PALLD: variants seen among roughly 807,000 people sequenced by gnomAD.
PALLD encodes palladin, cytoskeletal associated protein, also known as palladin.
A neutral mutation model predicts 123.5 loss-of-function variants in PALLD; 61 were observed. That is an observed-to-expected ratio of 0.49 (90% confidence interval 0.40 to 0.61). The LOEUF is 0.61. Ranked by LOEUF, PALLD falls within the 20% of genes least tolerant of loss-of-function variation. The probability of loss-of-function intolerance (pLI) is 0.00; values close to 1 mark genes in which losing one functional copy is unlikely to be tolerated. For missense variants in PALLD, 1,273 were observed against 1,377.0 expected (o/e 0.92, Z 1.20); for synonymous variants, 465 against 496.4 (o/e 0.94, Z 0.84).
At chr4:168,746,525 G>A (rs979912462) in intron 10 of PALLD, among the ~76,000 whole-genome samples, 6 of 151,906 alleles carry the variant, frequency 3.9e-5, no homozygotes, top group Admixed American at 2.0e-4. Flanking sequence ...TGTGTCTCTG[G>A]AGCTAGCACA....
chr4:168,709,175 G>A, intron 9 of PALLD, 28 bp downstream of exon 9: 1 of 1,611,848 alleles, frequency 6.2e-7, no homozygotes, highest in Non-Finnish European at 8.5e-7. Context: ...AAAATGACTG[G>A]GTTCTGTTCC....
At chr4:168,724,216 A>G (rs2150276491) in intron 10 of PALLD, among the ~76,000 whole-genome samples, 1 of 152,276 alleles carries the variant, frequency 6.6e-6, no homozygotes, top group Middle Eastern at 3.4e-3. Context: ...TCTCTAATTC[A>G]TATTTGCTTA....
intron 14 of PALLD, among the ~76,000 whole-genome samples, chr4:168,899,552 AC>A (rs1756000241): frequency 6.6e-6 from 1 of 152,188 alleles, no homozygotes; most frequent in African/African-American, 2.4e-5. Flanking sequence ...TGAAGAAATA[AC>A]CATGAGGAGA....
chr4:168,552,279 A>C (rs915804439), intron 2 of PALLD, among the ~76,000 whole-genome samples: 1 of 152,138 alleles, frequency 6.6e-6, no homozygotes, highest in Non-Finnish European at 1.5e-5. Flanking sequence ...ACGTGGGGTG[A>C]GGGGAGGGCA....
intron 10 of PALLD, among the ~76,000 whole-genome samples, chr4:168,823,133 T>G (rs1463502162): frequency 6.6e-6 from 1 of 152,192 alleles, no homozygotes; most frequent in Non-Finnish European, 1.5e-5. Flanking sequence ...CATTGTTATA[T>G]TTATTTATGT....
intron 2 of PALLD, among the ~76,000 whole-genome samples, chr4:168,606,686 A>T (rs998037062): frequency 4.1e-5 from 6 of 144,584 alleles, no homozygotes; most frequent in Non-Finnish European, 4.6e-5. Context: ...AAAAAAAAAG[A>T]TCAAGCTTTC....
intron 10 of PALLD, among the ~76,000 whole-genome samples, chr4:168,848,453 A>G (rs1581747068): frequency 6.6e-6 from 1 of 152,242 alleles, no homozygotes; most frequent in East Asian, 1.9e-4. Flanking sequence ...TCTTAGACAC[A>G]GATCTACTTG....
intron 2 of PALLD, among the ~76,000 whole-genome samples, chr4:168,581,399 C>A (rs761927674): frequency 6.6e-6 from 1 of 151,978 alleles, no homozygotes; most frequent in Non-Finnish European, 1.5e-5. Context: ...TTTCTTCACG[C>A]CCTTGCCAAC....
chr4:168,624,447 T>C (rs1775050340), intron 2 of PALLD, among the ~76,000 whole-genome samples: 1 of 152,134 alleles, frequency 6.6e-6, no homozygotes, highest in Admixed American at 6.5e-5. Flanking sequence ...CTTAGCATAA[T>C]AAAATAGATC....
At chr4:168,714,226 C>G (rs532076378) in intron 10 of PALLD, among the ~76,000 whole-genome samples, 2 of 152,162 alleles carry the variant, frequency 1.3e-5, no homozygotes, top group East Asian at 3.9e-4. Context: ...CTTCTTCCAA[C>G]CCAGCCCTCT....
At chr4:168,888,290 G>A (rs1753652002) in intron 10 of PALLD, among the ~76,000 whole-genome samples, 1 of 152,204 alleles carries the variant, frequency 6.6e-6, no homozygotes, top group South Asian at 2.1e-4. Flanking sequence ...ACCTAGAATA[G>A]CAGGTTTTAA....
At chr4:168,630,893 G>A (rs915184729) in intron 2 of PALLD, among the ~76,000 whole-genome samples, 2 of 152,164 alleles carry the variant, frequency 1.3e-5, no homozygotes, top group Non-Finnish European at 2.9e-5. Flanking sequence ...TTCTCCTGTT[G>A]TTTCTTCCTG....
chr4:168,868,780 T>C (rs1360285779), intron 10 of PALLD, among the ~76,000 whole-genome samples: 1 of 152,208 alleles, frequency 6.6e-6, no homozygotes, highest in Non-Finnish European at 1.5e-5. Flanking sequence ...GGACCAACTT[T>C]GTTATCTCAG....
At chr4:168,877,841 C>A in intron 10 of PALLD, 1 of 1,339,026 alleles carries the variant, frequency 7.5e-7, no homozygotes, top group Non-Finnish European at 9.5e-7. Context: ...CCCGCCGCCG[C>A]CCGCCTTCCC....
Position 168,805,833 on chromosome 4 carries a change from T to C in PALLD, c.1965-85089T>C, listed in dbSNP as rs370824306. ...TTAAAGGCAGGGATTTTATCTCATT[T>C]ATTAGATTTGTATCCCATGTACCTG... is the stretch of plus-strand genomic sequence containing the variant. On this transcript the variant is annotated intron_variant, in intron 10 of 21. Coordinates refer to ENST00000505667, the MANE Select transcript of PALLD (RefSeq NM_001166108.2). Among the ~76,000 whole-genome samples the C allele has an allele frequency of 2.6e-5, 4 of 152,342 alleles. No homozygotes were observed. The South Asian group carries it at 8.3e-4, about 32-fold the overall frequency.
intron 10 of PALLD, among the ~76,000 whole-genome samples, chr4:168,805,734 C>G (rs1368870173): frequency 2.6e-5 from 4 of 152,134 alleles, no homozygotes; most frequent in Non-Finnish European, 5.9e-5. Flanking sequence ...GTTTTACCTC[C>G]TGGTAAGTTA....
intron 2 of PALLD, among the ~76,000 whole-genome samples, chr4:168,529,546 G>T (rs1764410167): frequency 1.3e-5 from 2 of 152,202 alleles, no homozygotes; most frequent in South Asian, 4.1e-4. Flanking sequence ...TCCCCCCAAA[G>T]AAATGAATCT....
intron 2 of PALLD, among the ~76,000 whole-genome samples, chr4:168,639,827 A>G (rs759497098): frequency 6.6e-6 from 1 of 152,154 alleles, no homozygotes; most frequent in Non-Finnish European, 1.5e-5. Flanking sequence ...TATAGGCGTG[A>G]GCCACCGTGC....
rs147042949 is a variant in PALLD at position 168,864,105 on chromosome 4, T to A, written c.1965-26817T>A. ...TACATGATTGCTGATACCACTATAG[T>A]CATATACATGTATATATGCACACAT... On this transcript the variant is annotated intron_variant, in intron 10 of 21. Coordinates refer to ENST00000505667, the MANE Select transcript of PALLD (RefSeq NM_001166108.2). 2.9e-4 allele frequency: 44 copies of A among 152,294 alleles called. No homozygotes were observed. The East Asian group carries it at 7.3e-3, about 25-fold the overall frequency. The allele number at this position is 152,294 out of a possible 1,614,324, so 9.4% of individuals were successfully genotyped here.
Sources: allele counts gnomAD v4.1 joint callset (sites outside exome capture counted in the v4.1 genomes callset), GRCh38; gene constraint gnomAD v4.1.1; transcripts MANE v1.5; gene names NCBI Gene and HGNC (gene_info 2026-07-23, HGNC 2026-07-21).